CDC5L: variants seen among roughly 807,000 people sequenced by gnomAD.
CDC5L encodes cell division cycle 5 like.
Under a neutral mutation model 104.1 loss-of-function variants are expected in CDC5L, and 18 were observed. That is an observed-to-expected ratio of 0.17 (90% confidence interval 0.12 to 0.26). The LOEUF (loss-of-function observed/expected upper bound fraction) is 0.26, where lower values mean the gene tolerates loss of function less well. Ranked by LOEUF, CDC5L falls within the 10% of genes least tolerant of loss-of-function variation. The probability of loss-of-function intolerance (pLI) is 1.00; values close to 1 mark genes in which losing one functional copy is unlikely to be tolerated. For missense variants in CDC5L, 673 were observed against 956.9 expected (o/e 0.70, Z 3.91); for synonymous variants, 331 against 322.7 (o/e 1.03, Z -0.28).
intron 7 of CDC5L, among the ~76,000 whole-genome samples, chr6:44,407,969 C>A (rs557489814): frequency 1.3e-5 from 2 of 152,194 alleles, no homozygotes; most frequent in South Asian, 4.1e-4. Context: ...GGTTTTCAGT[C>A]TTCCTCCTCC....
intron 10 of CDC5L, 117 bp from the exon 11 acceptor site, chr6:44,424,302 T>C: frequency 1.2e-6 from 1 of 842,946 alleles, no homozygotes. Flanking sequence ...TATTTTAAAA[T>C]GTACAGTTAT....
intron 7 of CDC5L, among the ~76,000 whole-genome samples, chr6:44,407,097 T>G (rs889150742): frequency 6.6e-6 from 1 of 152,212 alleles, no homozygotes; most frequent in Non-Finnish European, 1.5e-5. Flanking sequence ...GCTTTAGGCT[T>G]CTTTTTGTAG....
chr6:44,410,658 G>A (rs1791583911), intron 8 of CDC5L, among the ~76,000 whole-genome samples: 2 of 152,110 alleles, frequency 1.3e-5, no homozygotes, highest in African/African-American at 4.8e-5. Context: ...CTATACTGTT[G>A]AGTTTGTTAA....
intron 11 of CDC5L, among the ~76,000 whole-genome samples, chr6:44,425,206 C>G (rs1792366222): frequency 6.6e-6 from 1 of 152,160 alleles, no homozygotes; most frequent in Admixed American, 6.5e-5. Flanking sequence ...ATCCAAAAAT[C>G]CAACACCTGA....
chr6:44,450,223 T>TC lies in CDC5L; in HGVS notation c.*3512_*3513insC, dbSNP rs1350345054. ...CTCTCTAAAGTAAATAGGATAACTG[T>TC]ATATCTTTTTCTGTGCATTAAGCAG... is the stretch of plus-strand genomic sequence containing the variant. On this transcript the variant is annotated 3_prime_UTR_variant, in exon 16 of 16. Coordinates refer to ENST00000371477, the MANE Select transcript of CDC5L (RefSeq NM_001253.4). The TC allele has an allele frequency of 1.3e-5, 2 of 152,200 alleles. No homozygotes were observed. The highest frequency in any genetic ancestry group is 1.3e-4 in the Admixed American group (2 of 15,274). 9.4% of individuals were successfully genotyped at this position (152,200 alleles called of 1,614,324 possible).
At chr6:44,407,958 T>G (rs1791449085) in intron 7 of CDC5L, among the ~76,000 whole-genome samples, 1 of 152,230 alleles carries the variant, frequency 6.6e-6, no homozygotes, top group South Asian at 2.1e-4. Flanking sequence ...ATATTTTAAT[T>G]GGTTTTCAGT....
intron 1 of CDC5L, among the ~76,000 whole-genome samples, chr6:44,388,611 A>G (rs1452084841): frequency 6.6e-6 from 1 of 150,728 alleles, no homozygotes; most frequent in Non-Finnish European, 1.5e-5. Context: ...CGAATTTATC[A>G]GTTTCTGGAG....
At chr6:44,399,205 G>C (rs1239849572) in intron 5 of CDC5L, among the ~76,000 whole-genome samples, 1 of 152,074 alleles carries the variant, frequency 6.6e-6, no homozygotes, top group Non-Finnish European at 1.5e-5. Context: ...CTCCTTTCTT[G>C]GCCTCCCAAA....
chr6:44,401,462 T>C (rs1791121756), intron 5 of CDC5L, among the ~76,000 whole-genome samples: 1 of 152,104 alleles, frequency 6.6e-6, no homozygotes, highest in Non-Finnish European at 1.5e-5. Context: ...GATGGAACTT[T>C]GCCACCAGAA....
At chr6:44,405,864 G>A (rs967127022) in intron 6 of CDC5L, among the ~76,000 whole-genome samples, 3 of 151,522 alleles carry the variant, frequency 2.0e-5, no homozygotes, top group Admixed American at 6.6e-5. Flanking sequence ...ATGGTGTAGG[G>A]GACTACTTAA....
rs146268571 is a variant in CDC5L, at chr6:44,426,397, G to T, written c.1651-85G>T. On this transcript the variant is annotated intron_variant, in intron 12 of 15. Transcript: ENST00000371477. ...AAATTGCTTTTGAAAATGTAAAACCGCTGTTTAATTCATGCTGTAACAGGT... is the reference window on the plus strand; with the variant it reads ...AAATTGCTTTTGAAAATGTAAAACCTCTGTTTAATTCATGCTGTAACAGGT... 210 of 877,248 alleles carry T rather than the reference G, an allele frequency of 2.4e-4. 2 individuals carry two copies. In the African/African-American group the frequency reaches 3.2e-3, roughly 13 times the overall value. 54.3% of individuals were successfully genotyped at this position (877,248 alleles called of 1,614,324 possible). A position where few individuals can be genotyped will look rare whatever the true frequency, so the allele number is the denominator to read the frequency against.
In CDC5L at chr6:44,392,629, G is replaced by A; in HGVS notation, c.150-38G>A. The A allele has an allele frequency of 3.2e-6, 5 of 1,573,360 alleles. No homozygotes were observed. The Admixed American group carries it at 8.6e-5, about 27-fold the overall frequency. On this transcript the variant is annotated intron_variant, in intron 2 of 15. Transcript: ENST00000371477. Reference sequence around the variant, plus strand: ...TGTGCAAATTGGATATTTATGCCAGGTAACTGATTAATATATAAAATGATC... The same window carrying A: ...TGTGCAAATTGGATATTTATGCCAGATAACTGATTAATATATAAAATGATC...
In CDC5L at chr6:44,433,940, G is replaced by T. The variant is rs149056691; in HGVS notation, c.2091+4030G>T. ...TTTAGTTAGTAGACAGTTCTGGGTA[G>T]AGTGCTATATGTTGTCAGATATCAG... is the stretch of plus-strand genomic sequence containing the variant. On this transcript the variant is annotated intron_variant, in intron 14 of 15. Coordinates refer to ENST00000371477, the MANE Select transcript of CDC5L (RefSeq NM_001253.4). 5.6e-3 allele frequency among the ~76,000 whole-genome samples: 851 copies of T among 152,310 alleles called. 5 individuals are homozygous for T. Among genetic ancestry groups the T allele is most frequent in the Non-Finnish European group, 9.5e-3 (647 of 68,010 alleles).
intron 8 of CDC5L, among the ~76,000 whole-genome samples, chr6:44,411,762 C>G (rs1158401055): frequency 1.3e-5 from 2 of 151,996 alleles, no homozygotes; most frequent in African/African-American, 2.4e-5. Flanking sequence ...TTAGCCAGCT[C>G]AAGGCTTTGA....
At chr6:44,419,634 T>A (rs1351199187) in intron 9 of CDC5L, 37 bp downstream of exon 9, 2 of 1,538,278 alleles carry the variant, frequency 1.3e-6, no homozygotes, top group East Asian at 2.2e-5. Context: ...TTAGAAAAAC[T>A]TGAATTCAAG....
At chr6:44,396,538 TTC>T in intron 5 of CDC5L, 98 bp downstream of exon 5, 4 of 725,720 alleles carry the variant, frequency 5.5e-6, no homozygotes, top group Non-Finnish European at 9.2e-6. Flanking sequence ...TTTTTTTTTT[TTC>T]CCCTCTCCAC....
intron 8 of CDC5L, among the ~76,000 whole-genome samples, chr6:44,416,809 C>G (rs1791928122): frequency 6.6e-6 from 1 of 152,210 alleles, no homozygotes; most frequent in Non-Finnish European, 1.5e-5. Flanking sequence ...ACGTCACCCA[C>G]TCTTCCAGGA....
chr6:44,414,907 T>G (rs1791842562), intron 8 of CDC5L, among the ~76,000 whole-genome samples: 1 of 152,200 alleles, frequency 6.6e-6, no homozygotes, highest in Non-Finnish European at 1.5e-5. Flanking sequence ...TTTTATAGTT[T>G]TAGTGCTTAC....
intron 5 of CDC5L, among the ~76,000 whole-genome samples, chr6:44,399,548 A>G (rs557817412): frequency 6.6e-6 from 1 of 152,152 alleles, no homozygotes; most frequent in Non-Finnish European, 1.5e-5. Flanking sequence ...TTCTCTGTTT[A>G]GATTGCATAA....
Sources: allele counts gnomAD v4.1 joint callset (sites outside exome capture counted in the v4.1 genomes callset), GRCh38; gene constraint gnomAD v4.1.1; transcripts MANE v1.5; gene names NCBI Gene and HGNC (gene_info 2026-07-23, HGNC 2026-07-21).